Variants in KIF3B observed in about 807,000 individuals in gnomAD.
KIF3B encodes the protein kinesin-like protein KIF3B.
Under a neutral mutation model 74.3 loss-of-function variants are expected in KIF3B, and 38 were observed. The ratio of observed to expected loss-of-function variants is 0.51; its 90% CI spans 0.39 to 0.67. The LOEUF (loss-of-function observed/expected upper bound fraction) is 0.67, where lower values mean the gene tolerates loss of function less well. KIF3B is among the 30% of genes least tolerant of loss of function. The pLI, the probability that KIF3B is intolerant of heterozygous loss-of-function variation, is 0.00. For missense variants in KIF3B, 649 were observed against 932.0 expected, an observed-to-expected ratio of 0.70 and a Z score of 3.95; for synonymous variants, 326 against 342.5, an observed-to-expected ratio of 0.95 and a Z score of 0.53.
chr20:32,310,009 C>T lies in KIF3B; in HGVS notation c.232C>T (p.Arg78Ter), dbSNP rs765954954. 2 of 1,614,130 alleles carry T rather than the reference C, an allele frequency of 1.2e-6. No individual in the cohort carries two copies. Among genetic ancestry groups the T allele is most frequent in the East Asian group, 2.2e-5 (1 of 44,888 alleles). Residue 78 changes from arginine to a stop codon, truncating the protein, a stop_gained, in exon 2 of 9, where the codon CGA becomes TGA. Transcript: ENST00000375712. LOFTEE classifies it high-confidence loss of function. The surrounding 1 kb of genome is among the most constrained non-coding windows in gnomAD (Gnocchi z 6.5). ...GTTTGAACTGTACGATGAGACGTTCCGACCACTTGTTGACTCTGTCCTGCA... is the reference window on the plus strand; with the variant it reads ...GTTTGAACTGTACGATGAGACGTTCTGACCACTTGTTGACTCTGTCCTGCA... ...KQFELYDETF[R>*]PLVDSVLQGF...
intron 1 of KIF3B, among the ~76,000 whole-genome samples, chr20:32,278,609 A>C (rs1357350820): frequency 6.6e-6 from 1 of 152,062 alleles, no homozygotes; most frequent in Admixed American, 6.6e-5. Context: ...AGAGCAAGGG[A>C]GGTACTTCTA....
intron 1 of KIF3B, among the ~76,000 whole-genome samples, chr20:32,290,331 C>T (rs6119236): frequency 3.3e-5 from 5 of 151,898 alleles, no homozygotes; most frequent in Non-Finnish European, 7.4e-5. Flanking sequence ...TGCAGTGAGC[C>T]GAGATCACGC....
intron 7 of KIF3B, 143 bp from the exon 8 acceptor site, chr20:32,329,998 C>T: frequency 1.5e-6 from 1 of 651,524 alleles, no homozygotes; most frequent in Non-Finnish European, 2.4e-6. Context: ...AAAACGGCAT[C>T]ACTTCTTTCA....
rs71185398 is a variant in KIF3B at position 32,292,583 on chromosome 20, GAAAAAAAAAAAAA to G, written c.-66+14829_-66+14841del. 8.4e-5 allele frequency among the ~76,000 whole-genome samples: 6 copies of G among 71,822 alleles called. No homozygotes were observed. The Admixed American group carries it at 9.6e-4, about 11-fold the overall frequency. 47.1% of individuals were successfully genotyped at this position (71,822 alleles called of 152,430 possible). On this transcript the variant is annotated intron_variant, in intron 1 of 8. Coordinates refer to ENST00000375712, the MANE Select transcript of KIF3B (RefSeq NM_004798.4). ...TGAAACCTCGTCTCTACTAAAAATA[GAAAAAAAAAAAAA>G]AAAAAAAAAAGAAAAGTCGGGTCCA...
At chr20:32,279,707 G>T (rs1017000207) in intron 1 of KIF3B, among the ~76,000 whole-genome samples, 2 of 152,040 alleles carry the variant, frequency 1.3e-5, no homozygotes, top group Admixed American at 6.5e-5. Context: ...TCAGGTGATC[G>T]CCTGCCTTGG....
In KIF3B at chr20:32,277,716, C is replaced by G. The variant is rs2047622810; in HGVS notation, c.-115C>G. Reference sequence around the variant, plus strand: ...CAGGGGTTCGCCGCCCCCGCCGCCGCCGCCGCCGCCGCCGCCGCCGCCGCC... The same window carrying G: ...CAGGGGTTCGCCGCCCCCGCCGCCGGCGCCGCCGCCGCCGCCGCCGCCGCC... On this transcript the variant is annotated 5_prime_UTR_variant, in exon 1 of 9. Transcript: ENST00000375712. 2 of 263,478 alleles carry G rather than the reference C, an allele frequency of 7.6e-6. No individual in the cohort carries two copies. Among genetic ancestry groups the G allele is most frequent in the Admixed American group, 1.1e-4 (2 of 17,710 alleles). 16.3% of individuals were successfully genotyped at this position (263,478 alleles called of 1,614,324 possible). A position where few individuals can be genotyped will look rare whatever the true frequency, so the allele number is the denominator to read the frequency against.
intron 1 of KIF3B, among the ~76,000 whole-genome samples, chr20:32,289,954 CAG>C (rs1435863198): frequency 6.6e-6 from 1 of 152,072 alleles, no homozygotes; most frequent in African/African-American, 2.4e-5. Context: ...TGGGTCAGGG[CAG>C]AGTTACCACT....
chr20:32,322,650 T>TTTTATATATTTATATATATA (rs1569207394), intron 5 of KIF3B, among the ~76,000 whole-genome samples: 1 of 81,710 alleles, frequency 1.2e-5, no homozygotes, highest in Non-Finnish European at 2.0e-5. Flanking sequence ...ATATATATAT[T>TTTTATATATTTATATATATA]TTTATATATT....
intron 2 of KIF3B, among the ~76,000 whole-genome samples, chr20:32,313,931 C>G (rs1033500529): frequency 1.3e-5 from 2 of 152,144 alleles, no homozygotes; most frequent in South Asian, 4.1e-4. Context: ...TGGTCTTGAA[C>G]TCCTAGACTC....
Position 32,330,233 on chromosome 20 carries a change from A to G in KIF3B, c.2061A>G (p.Ala687=), listed in dbSNP as rs767994624. The G allele has an allele frequency of 1.2e-6, 2 of 1,614,164 alleles. No homozygotes were observed. The highest frequency in any genetic ancestry group is 1.7e-6 in the Non-Finnish European group (2 of 1,180,014). ...CCATTGCCCCCAAGGTCCAGGCTGC[A>G]TTGGATGCGGCTCTGCAGGATGAAG... ...GPAIAPKVQA[A]LDAALQDEDE... The change falls in exon 8 of 9, where the codon GCA becomes GCG. Residue 687 remains alanine (A), a synonymous_variant. Coordinates refer to ENST00000375712, the MANE Select transcript of KIF3B (RefSeq NM_004798.4).
At chr20:32,286,622 A>G (rs1049961367) in intron 1 of KIF3B, among the ~76,000 whole-genome samples, 4 of 152,210 alleles carry the variant, frequency 2.6e-5, no homozygotes, top group Admixed American at 6.5e-5. Context: ...TAAAAAAATG[A>G]GGAAAATACT....
rs898674127 is a variant in KIF3B at position 32,330,088 on chromosome 20, T to C, written c.1969-53T>C. 26 of 1,534,868 alleles carry C rather than the reference T, an allele frequency of 1.7e-5. No individual in the cohort carries two copies. In the African/African-American group the frequency reaches 3.6e-4, roughly 21 times the overall value. The stretch of plus-strand genomic sequence containing the variant: ...TGGAGGGGCCCTCGATTGCTTGTAC[T>C]GCCTGTGTCCAGTTGGAGGCTAACC... On this transcript the variant is annotated intron_variant, in intron 7 of 8. Coordinates refer to ENST00000375712, the MANE Select transcript of KIF3B (RefSeq NM_004798.4).
At chr20:32,287,414 TG>T (rs1347454973) in intron 1 of KIF3B, among the ~76,000 whole-genome samples, 12 of 152,278 alleles carry the variant, frequency 7.9e-5, no homozygotes, top group African/African-American at 2.9e-4. Flanking sequence ...CTCCAGCTCC[TG>T]GGCTCAAGTG....
Position 32,323,049 on chromosome 20 carries a change from T to C in KIF3B, c.1749-3722T>C, listed in dbSNP as rs1241605861. On this transcript the variant is annotated intron_variant, in intron 5 of 8. Transcript: ENST00000375712. ...ATATATTTATATATTTATATTTATA[T>C]ATATTTATATTTATATATATTTATA... Among the ~76,000 whole-genome samples, 64 of 93,928 alleles carry C rather than the reference T, an allele frequency of 6.8e-4. 1 individual carries two copies. Among genetic ancestry groups the C allele is most frequent in the African/African-American group, 2.0e-3 (37 of 18,498 alleles). 61.6% of individuals were successfully genotyped at this position (93,928 alleles called of 152,430 possible). A position where few individuals can be genotyped will look rare whatever the true frequency, so the allele number is the denominator to read the frequency against.
intron 1 of KIF3B, among the ~76,000 whole-genome samples, chr20:32,279,416 T>A (rs1569184163): frequency 6.6e-6 from 1 of 152,054 alleles, no homozygotes; most frequent in Non-Finnish European, 1.5e-5. Flanking sequence ...AGGTAAAGCT[T>A]TATTTAAATA....
At chr20:32,280,010 C>T (rs1162937336) in intron 1 of KIF3B, among the ~76,000 whole-genome samples, 1 of 152,140 alleles carries the variant, frequency 6.6e-6, no homozygotes, top group Non-Finnish European at 1.5e-5. Context: ...GATGAGAGGA[C>T]TTTTTGGTAA....
chr20:32,326,687 A>T lies in KIF3B; in HGVS notation c.1749-84A>T, dbSNP rs921777913. 1.8e-5 allele frequency: 12 copies of T among 685,010 alleles called. No individual in the cohort carries two copies. The Admixed American group carries it at 2.9e-4, about 17-fold the overall frequency. The allele number at this position is 685,010 out of a possible 1,614,324, so 42.4% of individuals were successfully genotyped here. On this transcript the variant is annotated intron_variant, in intron 5 of 8. Coordinates refer to ENST00000375712, the MANE Select transcript of KIF3B (RefSeq NM_004798.4). ...TGCTATGTGCCTTGACTCTTACCTG[A>T]TTACTCACCATGCATGAGACCAGAT...
At chr20:32,301,816 G>T (rs938373363) in intron 1 of KIF3B, among the ~76,000 whole-genome samples, 81 of 152,200 alleles carry the variant, frequency 5.3e-4, no homozygotes, top group African/African-American at 1.9e-3. Flanking sequence ...GGACTTTGAG[G>T]TGAGACTCTA....
At chr20:32,289,698 A>G (rs958890530) in intron 1 of KIF3B, among the ~76,000 whole-genome samples, 2 of 152,224 alleles carry the variant, frequency 1.3e-5, no homozygotes, top group African/African-American at 4.8e-5. Flanking sequence ...TTTAAAATAA[A>G]CTTTGTGTTA....
Sources: allele counts gnomAD v4.1 joint callset (sites outside exome capture counted in the v4.1 genomes callset), GRCh38; gene constraint gnomAD v4.1.1; non-coding constraint Gnocchi (gnomAD v3.1); transcripts MANE v1.5; gene names NCBI Gene and HGNC (gene_info 2026-07-23, HGNC 2026-07-21).